NCK1: variants seen among roughly 807,000 people sequenced by gnomAD.
The protein encoded by NCK1 is NCK adaptor protein 1, also known as SH2/SH3 adapter protein NCK1.
Under a neutral mutation model 36.6 loss-of-function variants are expected in NCK1, and 19 were observed. That is an observed-to-expected ratio of 0.52 (90% CI 0.36 to 0.76). The LOEUF (loss-of-function observed/expected upper bound fraction) is 0.76. NCK1 is among the 30% of genes least tolerant of loss of function. The probability of loss-of-function intolerance (pLI) is 0.00; values close to 1 mark genes in which losing one functional copy is unlikely to be tolerated. For missense variants in NCK1, 358 were observed against 445.6 expected, an observed-to-expected ratio of 0.80 and a Z score of 1.77; for synonymous variants, 165 against 156.0, an observed-to-expected ratio of 1.06 and a Z score of -0.43.
At chr3:136,896,065 A>G (rs1939383986) in intron 1 of NCK1, among the ~76,000 whole-genome samples, 2 of 152,080 alleles carry the variant, frequency 1.3e-5, no homozygotes, top group Non-Finnish European at 2.9e-5. Flanking sequence ...ATTTTGTTAC[A>G]TAGGATGTGT....
rs1938803984 is a variant in NCK1 at position 136,877,386 on chromosome 3, A to G, written c.-19+15033A>G. 1.3e-5 allele frequency among the ~76,000 whole-genome samples: 2 copies of G among 152,228 alleles called. 1 individual carries two copies. Among genetic ancestry groups the G allele is most frequent in the South Asian group, 4.1e-4 (2 of 4,832 alleles). On this transcript the variant is annotated intron_variant, in intron 1 of 3. Coordinates refer to ENST00000481752, the MANE Select transcript of NCK1 (RefSeq NM_001291999.2). Reference sequence around the variant, plus strand: ...AAGATAAGCAATATATTTCTGAGAAATTCGGGGATTAGAGAAGAAATAACA... The same window carrying G: ...AAGATAAGCAATATATTTCTGAGAAGTTCGGGGATTAGAGAAGAAATAACA...
chr3:136,930,594 A>G (rs1247808606), intron 2 of NCK1: 1 of 1,476,954 alleles, frequency 6.8e-7, no homozygotes, highest in Non-Finnish European at 9.0e-7. Context: ...AGATTTTTTC[A>G]GTAAGTTAAT....
intron 1 of NCK1, chr3:136,899,868 C>A: frequency 8.8e-7 from 1 of 1,142,034 alleles, no homozygotes; most frequent in Non-Finnish European, 1.2e-6. Context: ...TAAAGCCATC[C>A]TTTTTTTTTT....
Position 136,913,512 on chromosome 3 carries a change from C to A in NCK1, c.-18-14472C>A, listed in dbSNP as rs913082335. 4.8e-4 allele frequency among the ~76,000 whole-genome samples: 73 copies of A among 152,244 alleles called. 1 individual carries two copies. Among genetic ancestry groups the A allele is most frequent in the African/African-American group, 1.7e-3 (71 of 41,560 alleles). On this transcript the variant is annotated intron_variant, in intron 1 of 3. Coordinates refer to ENST00000481752, the MANE Select transcript of NCK1 (RefSeq NM_001291999.2). Reference sequence around the variant, plus strand: ...AGAACTCCTAGGCTCAAGCAGTCCTCCCGCTTTGGCCTCTCAAAGTCTTGG... The same window carrying A: ...AGAACTCCTAGGCTCAAGCAGTCCTACCGCTTTGGCCTCTCAAAGTCTTGG...
intron 1 of NCK1, among the ~76,000 whole-genome samples, chr3:136,875,745 G>T (rs563108914): frequency 9.4e-5 from 14 of 148,620 alleles, no homozygotes; most frequent in Non-Finnish European, 1.9e-4. Flanking sequence ...ACAGATCAAC[G>T]AGACAGAAAG....
At chr3:136,875,006 A>G (rs919043411) in intron 1 of NCK1, among the ~76,000 whole-genome samples, 9 of 152,210 alleles carry the variant, frequency 5.9e-5, no homozygotes, top group African/African-American at 1.7e-4. Flanking sequence ...CTGAAATTTC[A>G]TAAGGTTGTA....
intron 1 of NCK1, among the ~76,000 whole-genome samples, chr3:136,908,082 A>G (rs1283817451): frequency 6.6e-6 from 1 of 152,230 alleles, no homozygotes; most frequent in Non-Finnish European, 1.5e-5. Context: ...TTTACCATTC[A>G]AAAGTACTTC....
In NCK1 at chr3:136,930,613, TA is replaced by T; in HGVS notation, c.226+2389del. The T allele has an allele frequency of 2.8e-6, 4 of 1,442,364 alleles. No homozygotes were observed. In the South Asian group the frequency reaches 5.6e-5, roughly 20 times the overall value. The allele number at this position is 1,442,364 out of a possible 1,614,324, so 89.3% of individuals were successfully genotyped here. A position where few individuals can be genotyped will look rare whatever the true frequency, so the allele number is the denominator to read the frequency against. The stretch of plus-strand genomic sequence containing the variant: ...TTTTTCAGTAAGTTAATCTGTTTAT[TA>T]AATCCACTGTTTTCTTGAAGTTGTG... On this transcript the variant is annotated intron_variant, in intron 2 of 3. Coordinates refer to ENST00000481752, the MANE Select transcript of NCK1 (RefSeq NM_001291999.2).
At chr3:136,924,266 A>G (rs1210719940) in intron 1 of NCK1, among the ~76,000 whole-genome samples, 3 of 152,222 alleles carry the variant, frequency 2.0e-5, no homozygotes, top group African/African-American at 4.8e-5. Context: ...ATGACAAAAC[A>G]ACCTAGAAAA....
At chr3:136,946,741 T>G (rs556221681) in intron 3 of NCK1, among the ~76,000 whole-genome samples, 1 of 152,182 alleles carries the variant, frequency 6.6e-6, no homozygotes, top group African/African-American at 2.4e-5. Context: ...AAAATTGATA[T>G]TAAGTTTCTT....
intron 1 of NCK1, among the ~76,000 whole-genome samples, chr3:136,923,105 A>G (rs893264480): frequency 2.0e-5 from 3 of 150,796 alleles, no homozygotes; most frequent in Non-Finnish European, 3.0e-5. Context: ...GCCTATGTGT[A>G]TGTGTGTGTG....
At chr3:136,911,557 A>G (rs539317372) in intron 1 of NCK1, among the ~76,000 whole-genome samples, 2 of 152,232 alleles carry the variant, frequency 1.3e-5, no homozygotes, top group African/African-American at 4.8e-5. Flanking sequence ...TGTTTGTTCA[A>G]GTCTTTTGCC....
intron 1 of NCK1, among the ~76,000 whole-genome samples, chr3:136,907,855 G>T (rs1347209): frequency 0.63 from 95,407 of 152,052 alleles, 30,243 homozygotes; most frequent in East Asian, 0.87. Flanking sequence ...ATTGTCCTCA[G>T]TGCTACAGGT....
At chr3:136,898,478 A>ATATCAC (rs1000582705) in intron 1 of NCK1, among the ~76,000 whole-genome samples, 1 of 152,096 alleles carries the variant, frequency 6.6e-6, no homozygotes, top group African/African-American at 2.4e-5. Context: ...GACAATGAAG[A>ATATCAC]TATCACTAAA....
In NCK1 at chr3:136,946,071, G is replaced by A. The variant is rs544403184; in HGVS notation, c.715G>A (p.Val239Ile). Residue 239 changes from valine (V) to isoleucine (I), a missense_variant, in exon 3 of 4, where the codon GTT (valine) becomes ATT (isoleucine). Physicochemically the swap from Val to Ile is conservative, Grantham distance 29 (BLOSUM62 3). Coordinates refer to ENST00000481752, the MANE Select transcript of NCK1 (RefSeq NM_001291999.2). The part of the protein sequence containing the change: ...WWKCRKINGM[V>I]GLVPKNYVTV... Reference sequence around the variant, plus strand: ...GAAATGCAGGAAGATCAATGGTATGGTTGGTCTAGTACCAAAAAACTATGT... The same window carrying A: ...GAAATGCAGGAAGATCAATGGTATGATTGGTCTAGTACCAAAAAACTATGT... 2.2e-4 allele frequency: 359 copies of A among 1,613,910 alleles called. 5 individuals are homozygous for A. In the South Asian group the frequency reaches 3.5e-3, roughly 16 times the overall value.
chr3:136,907,068 G>A (rs888138374), intron 1 of NCK1, among the ~76,000 whole-genome samples: 2 of 152,160 alleles, frequency 1.3e-5, no homozygotes, highest in African/African-American at 4.8e-5. Context: ...ACCGGGAAGG[G>A]TGGGGTTGCT....
intron 1 of NCK1, among the ~76,000 whole-genome samples, chr3:136,912,916 C>T (rs1290423965): frequency 1.3e-5 from 2 of 152,148 alleles, no homozygotes; most frequent in East Asian, 3.9e-4. Context: ...CCTCAGCCTC[C>T]TAAAATACAA....
intron 1 of NCK1, among the ~76,000 whole-genome samples, chr3:136,925,923 G>GT (rs1169333729): frequency 2.0e-5 from 3 of 152,186 alleles, no homozygotes; most frequent in Non-Finnish European, 4.4e-5. Flanking sequence ...ATTTTGCGGA[G>GT]TATCTGTACC....
intron 1 of NCK1, among the ~76,000 whole-genome samples, chr3:136,915,326 C>T (rs960347868): frequency 6.6e-6 from 1 of 152,138 alleles, no homozygotes; most frequent in African/African-American, 2.4e-5. Context: ...TTAATCCAGA[C>T]AGCTGGATTT....
Sources: allele counts gnomAD v4.1 joint callset (sites outside exome capture counted in the v4.1 genomes callset), GRCh38; gene constraint gnomAD v4.1.1; transcripts MANE v1.5; gene names NCBI Gene and HGNC (gene_info 2026-07-23, HGNC 2026-07-21).